The following PYGM variants were observed in gnomAD, a reference collection of about 807,000 sequenced individuals.
PYGM encodes glycogen phosphorylase, muscle form.
In PYGM, 81 loss-of-function variants were observed where a neutral mutation model predicts 99.3. The ratio of observed to expected loss-of-function variants is 0.82; its 90% CI spans 0.68 to 0.98. The LOEUF (loss-of-function observed/expected upper bound fraction) is 0.98. Among genes scored for constraint, PYGM ranks in the 50% least tolerant of loss-of-function variants. The probability of loss-of-function intolerance (pLI) is 0.00; values close to 1 mark genes in which losing one functional copy is unlikely to be tolerated. For synonymous variants in PYGM, 436 were observed against 451.5 expected, an observed-to-expected ratio of 0.97 and a Z score of 0.44; for missense variants, 1,030 against 1,158.1, an observed-to-expected ratio of 0.89 and a Z score of 1.61.
rs1208434944 is a variant in PYGM, at chr11:64,759,705, A to T, written c.194T>A (p.Val65Glu). The T allele has an allele frequency of 1.2e-6, 2 of 1,613,974 alleles. No homozygotes were observed. The change falls in exon 1 of 20, where the codon GTG becomes GAG. Residue 65 changes from valine (V) to glutamate (E), a missense_variant. By Grantham distance (121) the Val-to-Glu change is moderately radical (BLOSUM62 -2). Transcript: ENST00000164139. ...CTGCTGCGTGCGGATCCAGCGCCCC[A>T]CGAGGTGGTCGCGCACGGTATGGGC... is the stretch of plus-strand genomic sequence containing the variant. ...ALAHTVRDHL[V>E]GRWIRTQQHY... is the part of the protein sequence containing the mutation.
chr11:64,746,865 C>T (rs905065169), intron 19 of PYGM, 56 bp downstream of exon 19: 1 of 1,614,070 alleles, frequency 6.2e-7, no homozygotes, highest in African/African-American at 1.3e-5. Context: ...CACCTTCTGC[C>T]TCATCCCAAC....
In PYGM at chr11:64,746,445, C is replaced by T; in HGVS notation, c.*214G>A. ...AGGGAGTGGGTGCAGTTGGTCAGAC[C>T]CCATAAATAGGAGGGGACCGGGAGC... On this transcript the variant is annotated 3_prime_UTR_variant, in exon 20 of 20. Transcript: ENST00000164139. The T allele has an allele frequency of 4.7e-6, 3 of 639,144 alleles. No homozygotes were observed. 39.6% of individuals were successfully genotyped at this position (639,144 alleles called of 1,614,324 possible).
rs1403970768 is a variant in PYGM, at chr11:64,753,679, C to A, written c.1243G>T (p.Val415Leu). 5 of 1,606,324 alleles carry A rather than the reference C, an allele frequency of 3.1e-6. No individual in the cohort carries two copies. In the East Asian group the frequency reaches 1.1e-4, roughly 36 times the overall value. The change falls in exon 11 of 20, where the codon GTG becomes TTG. Residue 415 changes from valine to leucine, a missense_variant. Val to Leu is a conservative substitution (Grantham distance 32). Transcript: ENST00000164139. ...YEINQRFLNRVAAAFPGDVDR... is the reference protein window; with the variant it reads ...YEINQRFLNRLAAAFPGDVDR... ...ACGTCCCCTGGGAATGCGGCCGCCA[C>A]CCGCTGTGCCCAGAGAGCCCAGAGC...
chr11:64,760,061 A>T (rs1173785834), upstream of PYGM: 1 of 1,123,856 alleles, frequency 8.9e-7, no homozygotes, highest in East Asian at 2.6e-5. Flanking sequence ...TTGGCCTGGC[A>T]GCTCAGGGAG....
Position 64,754,359 on chromosome 11 carries a change from A to AGG in PYGM, c.1000-16_1000-15dup. 6.3e-7 allele frequency: 1 copy of AGG among 1,585,504 alleles called. No homozygotes were observed. The highest frequency in any genetic ancestry group is 8.7e-7 in the Non-Finnish European group (1 of 1,155,050). ...CTGGATGGCCACCTGGGGTAGGGGG[A>AGG]GGGGTCAGTCTGGGCTCCAAACCAC... On this transcript the variant is annotated splice_polypyrimidine_tract_variant and intron_variant, in intron 8 of 19. Coordinates refer to ENST00000164139, the MANE Select transcript of PYGM (RefSeq NM_005609.4). This position sits in a 1 kb window ranked among gnomAD's most constrained non-coding sequence, Gnocchi z 5.5.
At position 64,751,730 on chromosome 11, in the gene PYGM, G is replaced by A. The variant is rs1282126493; in HGVS notation, c.1769-75C>T. 3 of 1,575,186 alleles carry A rather than the reference G, an allele frequency of 1.9e-6. No individual in the cohort carries two copies. In the African/African-American group the frequency reaches 4.1e-5, roughly 21 times the overall value. On this transcript the variant is annotated intron_variant, in intron 14 of 19. Transcript: ENST00000164139. ...GTAGCTCCTGACAGAGGCTGGGCTGGGACACCGTAGGCCTGACTCGAACAA... is the reference window on the plus strand; with the variant it reads ...GTAGCTCCTGACAGAGGCTGGGCTGAGACACCGTAGGCCTGACTCGAACAA...
intron 14 of PYGM, 95 bp from the exon 15 acceptor site, chr11:64,751,750 G>A (rs992329052): frequency 5.2e-6 from 8 of 1,541,522 alleles, no homozygotes; most frequent in Admixed American, 3.5e-5. Flanking sequence ...GGCCTGACTC[G>A]AACAATCACT....
At position 64,746,617 on chromosome 11, in the gene PYGM, T is replaced by G. The variant is rs1592404177; in HGVS notation, c.*42A>C. 1.2e-6 allele frequency: 2 copies of G among 1,612,556 alleles called. No individual in the cohort carries two copies. Among genetic ancestry groups the G allele is most frequent in the Non-Finnish European group, 1.7e-6 (2 of 1,179,532 alleles). ...AGGTGCTGGGGCTGGCCCAAGAGAGTGTGACAGACTCAAGGGCTGGTTTGG... is the reference window on the plus strand; with the variant it reads ...AGGTGCTGGGGCTGGCCCAAGAGAGGGTGACAGACTCAAGGGCTGGTTTGG... On this transcript the variant is annotated 3_prime_UTR_variant, in exon 20 of 20. Coordinates refer to ENST00000164139, the MANE Select transcript of PYGM (RefSeq NM_005609.4).
chr11:64,752,477 G>C lies in PYGM; in HGVS notation c.1546C>G (p.Leu516Val). Residue 516 changes from leucine to valine, a missense_variant, in exon 13 of 20, where the codon CTG (leucine) becomes GTG (valine). Leu to Val is a conservative substitution (Grantham distance 32). Coordinates refer to ENST00000164139, the MANE Select transcript of PYGM (RefSeq NM_005609.4). ...GAGAGCAGTTTGCGCAGCTGGTCCAGGTCAGAGATGAAGTCCTCCCCGATG... is the reference window on the plus strand; with the variant it reads ...GAGAGCAGTTTGCGCAGCTGGTCCACGTCAGAGATGAAGTCCTCCCCGATG... The part of the protein sequence containing the change: ...ERIGEDFISD[L>V]DQLRKLLSFV... 6.2e-7 allele frequency: 1 copy of C among 1,614,224 alleles called. No homozygotes were observed. The highest frequency in any genetic ancestry group is 8.5e-7 in the Non-Finnish European group (1 of 1,180,026).
chr11:64,759,048 A>G lies in PYGM; in HGVS notation c.244-344T>C, dbSNP rs1037871422. ...AAAAGTCATTTGCTCAAGGTCACAC[A>G]GTGGCTAGAGACTGGGCTAGAGACT... On this transcript the variant is annotated intron_variant, in intron 1 of 19. Coordinates refer to ENST00000164139, the MANE Select transcript of PYGM (RefSeq NM_005609.4). 0.022 allele frequency among the ~76,000 whole-genome samples: 21 copies of G among 940 alleles called. No individual in the cohort carries two copies. The Admixed American group carries it at 0.28, about 13-fold the overall frequency. The allele number at this position is 940 out of a possible 152,430, so 0.6% of individuals were successfully genotyped here. A position where few individuals can be genotyped will look rare whatever the true frequency, so the allele number is the denominator to read the frequency against.
chr11:64,747,250 A>C lies in PYGM; in HGVS notation c.2286T>G (p.Ile762Met), dbSNP rs75685607. 346 of 1,614,138 alleles carry C rather than the reference A, an allele frequency of 2.1e-4. 2 individuals are homozygous for C. In the African/African-American group the frequency reaches 4.3e-3, roughly 20 times the overall value. The part of the protein sequence containing the change: ...SPKQPDLFKD[I>M]VNMLMHHDRF... Reference sequence around the variant, plus strand: ...GGTCATGGTGCATGAGCATATTGACAATGTCCTTGAACAGGTCGGGCTGTT... The same window carrying C: ...GGTCATGGTGCATGAGCATATTGACCATGTCCTTGAACAGGTCGGGCTGTT... The change falls in exon 18 of 20, where the codon ATT becomes ATG. Residue 762 changes from isoleucine (I) to methionine (M), a missense_variant. Transcript: ENST00000164139.
chr11:64,749,679 T>G (rs1453149322), intron 17 of PYGM, among the ~76,000 whole-genome samples: 5 of 152,034 alleles, frequency 3.3e-5, no homozygotes, highest in Middle Eastern at 3.4e-3. Context: ...AAAATAAAAT[T>G]TTTTAATGTA....
Position 64,751,459 on chromosome 11 carries a change from G to C in PYGM, c.1835C>G (p.Pro612Arg). The change falls in exon 16 of 20, where the codon CCT (proline) becomes CGT (arginine). Residue 612 changes from proline to arginine, a missense_variant. Pro to Arg is a moderately radical substitution (Grantham distance 103). Transcript: ENST00000164139. Reference sequence around the variant, plus strand: ...GATCATCTTGGCCATGTGGTACCCAGGTGCAGCCTGAGGGGACAAAGTCTG... The same window carrying C: ...GATCATCTTGGCCATGTGGTACCCACGTGCAGCCTGAGGGGACAAAGTCTG... ...RTVMIGGKAAPGYHMAKMIIR... is the reference protein window; with the variant it reads ...RTVMIGGKAARGYHMAKMIIR... The C allele has an allele frequency of 6.2e-7, 1 of 1,614,164 alleles. No individual in the cohort carries two copies.
chr11:64,753,307 G>A, intron 11 of PYGM, 120 bp from the exon 12 acceptor site: 1 of 1,224,752 alleles, frequency 8.2e-7, no homozygotes, highest in Non-Finnish European at 1.2e-6. Flanking sequence ...GCAGACCTGG[G>A]GAAGGTTGGG....
At position 64,755,491 on chromosome 11, in the gene PYGM, C is replaced by T. The variant is rs1312195500; in HGVS notation, c.728G>A (p.Arg243His). The T allele has an allele frequency of 5.6e-6, 9 of 1,614,170 alleles. No individual in the cohort carries two copies. The highest frequency in any genetic ancestry group is 3.3e-4 in the Middle Eastern group (2 of 6,062). Residue 243 changes from arginine to histidine, a missense_variant, in exon 6 of 20, where the codon CGC becomes CAC. Transcript: ENST00000164139. The surrounding 1 kb of genome is among the most constrained non-coding windows in gnomAD (Gnocchi z 4.1). Reference sequence around the variant, plus strand: ...ATTGGGAGCCTTGGCAGACCAGAGGCGCATGGTGTTGACAACATTGTTGCG... The same window carrying T: ...ATTGGGAGCCTTGGCAGACCAGAGGTGCATGGTGTTGACAACATTGTTGCG... ...GYRNNVVNTM[R>H]LWSAKAPNDF...
chr11:64,747,140 C>T, intron 18 of PYGM, 84 bp downstream of exon 18: 1 of 1,585,936 alleles, frequency 6.3e-7, no homozygotes, highest in Non-Finnish European at 8.7e-7. Context: ...CTACCAGGAC[C>T]CGCGTCCGGC....
chr11:64,752,607 G>C (rs1169850174), intron 12 of PYGM, 103 bp from the exon 13 acceptor site: 3 of 1,224,846 alleles, frequency 2.4e-6, no homozygotes, highest in African/African-American at 1.5e-5. Context: ...CACCCAGCAG[G>C]CTGCTCTGGG....
At chr11:64,750,604 G>A in intron 16 of PYGM, 21 bp from the exon 17 acceptor site, 1 of 1,612,046 alleles carries the variant, frequency 6.2e-7, no homozygotes, top group Non-Finnish European at 8.5e-7. Flanking sequence ...GCAGCAGGGG[G>A]ACAAGTCAAC....
chr11:64,759,472 C>T (rs868531688), intron 1 of PYGM, among the ~76,000 whole-genome samples, 184 bp downstream of exon 1: 1 of 152,188 alleles, frequency 6.6e-6, no homozygotes, highest in African/African-American at 2.4e-5. Flanking sequence ...CTCTGAGCTC[C>T]CTGACCCCCA....
Sources: allele counts gnomAD v4.1 joint callset (sites outside exome capture counted in the v4.1 genomes callset), GRCh38; gene constraint gnomAD v4.1.1; non-coding constraint Gnocchi (gnomAD v3.1); transcripts MANE v1.5; gene names NCBI Gene and HGNC (gene_info 2026-07-23, HGNC 2026-07-21).